NCAPD3: variants seen among roughly 807,000 people sequenced by gnomAD.
The protein encoded by NCAPD3 is condensin-2 complex subunit D3.
In NCAPD3, 105 loss-of-function variants were observed where a neutral mutation model predicts 182.9. That is an observed-to-expected ratio of 0.57 (90% confidence interval 0.49 to 0.68). The LOEUF is 0.68. Among genes scored for constraint, NCAPD3 ranks in the 30% least tolerant of loss-of-function variants. NCAPD3 has a pLI of 0.00. For synonymous variants in NCAPD3, 815 were observed against 679.9 expected, an observed-to-expected ratio of 1.20 and a Z score of -3.09; for missense variants, 1,944 against 1,837.0, an observed-to-expected ratio of 1.06 and a Z score of -1.07.
chr11:134,157,474 A>G (rs1943455656), intron 31 of NCAPD3, among the ~76,000 whole-genome samples: 1 of 152,238 alleles, frequency 6.6e-6, no homozygotes, highest in South Asian at 2.1e-4. Context: ...TTGAAAATCA[A>G]CATTTCAAAG....
intron 1 of NCAPD3, among the ~76,000 whole-genome samples, chr11:134,221,241 T>C (rs577659429): frequency 3.3e-5 from 5 of 152,346 alleles, no homozygotes; most frequent in South Asian, 2.1e-4. Flanking sequence ...CCAGGAATAC[T>C]TGGTGACTTT....
intron 29 of NCAPD3, 91 bp from the exon 30 acceptor site, chr11:134,158,586 T>C (rs1943494034): frequency 5.8e-6 from 8 of 1,371,316 alleles, no homozygotes; most frequent in Admixed American, 2.1e-5. Flanking sequence ...TGGGGGTCCA[T>C]ATGAGATTTT....
intron 8 of NCAPD3, among the ~76,000 whole-genome samples, chr11:134,205,302 G>C (rs1320297447): frequency 6.6e-6 from 1 of 151,912 alleles, no homozygotes; most frequent in Non-Finnish European, 1.5e-5. Flanking sequence ...AATTGACTAA[G>C]ACACAGTACC....
intron 19 of NCAPD3, among the ~76,000 whole-genome samples, chr11:134,183,589 T>A (rs1944341286): frequency 6.6e-6 from 1 of 152,084 alleles, no homozygotes; most frequent in African/African-American, 2.4e-5. Flanking sequence ...TAAAAGTTTG[T>A]CATATAATTT....
intron 19 of NCAPD3, among the ~76,000 whole-genome samples, chr11:134,183,693 C>G (rs537627513): frequency 6.6e-6 from 1 of 152,100 alleles, no homozygotes; most frequent in Non-Finnish European, 1.5e-5. Context: ...AGAAAAACAC[C>G]AGGCACCATT....
intron 16 of NCAPD3, among the ~76,000 whole-genome samples, chr11:134,188,125 C>G (rs1944448964): frequency 6.6e-6 from 1 of 152,164 alleles, no homozygotes; most frequent in African/African-American, 2.4e-5. Context: ...CCAATCAGCA[C>G]TCTGTGTCTA....
intron 2 of NCAPD3, among the ~76,000 whole-genome samples, chr11:134,218,109 AAG>A (rs1491418477): frequency 4.4e-4 from 26 of 59,752 alleles, no homozygotes; most frequent in Non-Finnish European, 5.7e-4. Flanking sequence ...AAAAAAAAAA[AAG>A]GGGGGGGGGG....
intron 7 of NCAPD3, among the ~76,000 whole-genome samples, chr11:134,208,155 A>G (rs1055482212): frequency 5.3e-5 from 8 of 152,150 alleles, no homozygotes; most frequent in Non-Finnish European, 1.0e-4. Flanking sequence ...ATCCCCAAAA[A>G]TATCTTCGTA....
chr11:134,210,658 A>G (rs1162540230), intron 3 of NCAPD3, among the ~76,000 whole-genome samples: 4 of 152,226 alleles, frequency 2.6e-5, no homozygotes, highest in Non-Finnish European at 5.9e-5. Context: ...AGATTTCCAA[A>G]TCTGGCCAGG....
At chr11:134,190,126 G>A (rs548409425) in intron 16 of NCAPD3, among the ~76,000 whole-genome samples, 3 of 152,100 alleles carry the variant, frequency 2.0e-5, no homozygotes, top group East Asian at 1.9e-4. Context: ...TCTGTTCTGC[G>A]TTTTCTTGCA....
At chr11:134,188,969 C>T (rs1348563053) in intron 16 of NCAPD3, among the ~76,000 whole-genome samples, 1 of 152,150 alleles carries the variant, frequency 6.6e-6, no homozygotes, top group Non-Finnish European at 1.5e-5. Context: ...AAATTTCTAC[C>T]TTCCAGAACT....
At chr11:134,171,618 C>T (rs1337707109) in intron 24 of NCAPD3, among the ~76,000 whole-genome samples, 2 of 152,130 alleles carry the variant, frequency 1.3e-5, no homozygotes, top group Non-Finnish European at 2.9e-5. Context: ...GCAGTATTTC[C>T]TACACCCTAG....
At chr11:134,179,630 A>T (rs1376529301) in intron 20 of NCAPD3, among the ~76,000 whole-genome samples, 1 of 152,192 alleles carries the variant, frequency 6.6e-6, no homozygotes, top group African/African-American at 2.4e-5. Flanking sequence ...AAGAGTATAT[A>T]AAGCTATTTC....
At chr11:134,157,885 C>T in intron 31 of NCAPD3, 43 bp downstream of exon 31, 1 of 1,563,188 alleles carries the variant, frequency 6.4e-7, no homozygotes, top group Non-Finnish European at 8.7e-7. Context: ...GTGTTTTCAT[C>T]TGTAAATGCT....
chr11:134,152,989 G>T lies in NCAPD3; in HGVS notation c.4452C>A (p.Cys1484Ter). ...SPARNKDTPA[C>*]SRRSLRKTPL... is the part of the protein sequence containing the mutation. Reference sequence around the variant, plus strand: ...GGGTCTTTCGGAGGGACCTCCTGCTGCAGGCTGGAGTGTCTTTATTCCTGG... The same window carrying T: ...GGGTCTTTCGGAGGGACCTCCTGCTTCAGGCTGGAGTGTCTTTATTCCTGG... Residue 1484 changes from cysteine (C) to a stop codon, truncating the protein, a stop_gained, in exon 35 of 35, where the codon TGC becomes TGA. Coordinates refer to ENST00000534548, the MANE Select transcript of NCAPD3 (RefSeq NM_015261.3). LOFTEE classifies it high-confidence loss of function. 3 of 1,580,528 alleles carry T rather than the reference G, an allele frequency of 1.9e-6. No homozygotes were observed. Among genetic ancestry groups the T allele is most frequent in the Non-Finnish European group, 2.6e-6 (3 of 1,162,022 alleles).
chr11:134,185,471 T>C lies in NCAPD3; in HGVS notation c.2101A>G (p.Thr701Ala), dbSNP rs1944384583. Residue 701 changes from threonine (T) to alanine (A), a missense_variant, in exon 17 of 35, where the codon ACT becomes GCT. This residue lies in a region of NCAPD3 where 1,803 missense variants were observed against 1,674.6 expected (regional missense o/e 1.08). Coordinates refer to ENST00000534548, the MANE Select transcript of NCAPD3 (RefSeq NM_015261.3). ...TGAGATATTACATTGTTTATAAAAGTGGGTGAGAATTTTTCTTTCTTGGAC... is the reference window on the plus strand; with the variant it reads ...TGAGATATTACATTGTTTATAAAAGCGGGTGAGAATTTTTCTTTCTTGGAC... Reference protein sequence around the residue: ...IWSKKEKFSPTFINNVISHTG... With the variant: ...IWSKKEKFSPAFINNVISHTG... The C allele has an allele frequency of 1.9e-6, 3 of 1,612,530 alleles. No individual in the cohort carries two copies. The highest frequency in any genetic ancestry group is 2.5e-6 in the Non-Finnish European group (3 of 1,179,336).
At chr11:134,207,442 C>G (rs1016851808) in intron 7 of NCAPD3, among the ~76,000 whole-genome samples, 7 of 151,984 alleles carry the variant, frequency 4.6e-5, no homozygotes, top group African/African-American at 1.7e-4. Flanking sequence ...CAAGTCAGTA[C>G]TTTCACAATT....
chr11:134,176,166 A>C (rs980190173), intron 24 of NCAPD3, 141 bp downstream of exon 24: 5 of 658,478 alleles, frequency 7.6e-6, no homozygotes, highest in African/African-American at 1.8e-5. Context: ...AGCATCTTAA[A>C]AATCTGCTAA....
chr11:134,195,319 G>A (rs930950166), intron 13 of NCAPD3, among the ~76,000 whole-genome samples: 6 of 151,826 alleles, frequency 4.0e-5, no homozygotes, highest in African/African-American at 1.2e-4. Context: ...GGCTGGTCTC[G>A]AACTCCTAGC....
Sources: gnomAD v4.1 joint callset for allele counts (sites outside exome capture counted in the v4.1 genomes callset) on GRCh38, gnomAD v4.1.1 for gene constraint, gnomAD v4.1.1 regional missense constraint, MANE v1.5 for transcripts, NCBI Gene and HGNC (gene_info 2026-07-23, HGNC 2026-07-21) for gene names.